Variants in DPP10 observed in about 807,000 individuals in gnomAD.
DPP10 encodes the protein inactive dipeptidyl peptidase 10.
In DPP10, 33 loss-of-function variants were observed where a neutral mutation model predicts 120.9. The observed-to-expected ratio is 0.27, with a 90% CI of 0.21 to 0.37. The LOEUF (loss-of-function observed/expected upper bound fraction) is 0.37. Ranked by LOEUF, DPP10 falls within the 10% of genes least tolerant of loss-of-function variation. The pLI, the probability that DPP10 is intolerant of heterozygous loss-of-function variation, is 1.00. For missense variants in DPP10, 816 were observed against 942.8 expected (o/e 0.87, Z 1.76); for synonymous variants, 337 against 326.1 (o/e 1.03, Z -0.36).
chr2:114,518,377 C>T (rs771141772), intron 1 of DPP10, among the ~76,000 whole-genome samples: 2 of 152,066 alleles, frequency 1.3e-5, no homozygotes, highest in Non-Finnish European at 2.9e-5. Flanking sequence ...CGTGCAGGGC[C>T]TATTCATTGT....
chr2:114,520,359 A>G (rs1400158429), intron 1 of DPP10, among the ~76,000 whole-genome samples: 3 of 152,226 alleles, frequency 2.0e-5, no homozygotes, highest in African/African-American at 4.8e-5. Flanking sequence ...ATGACCCTCA[A>G]TTTGGACATA....
At chr2:114,570,441 C>T (rs1358451679) in intron 1 of DPP10, among the ~76,000 whole-genome samples, 1 of 152,056 alleles carries the variant, frequency 6.6e-6, no homozygotes, top group Admixed American at 6.5e-5. Flanking sequence ...TAACTCAAAA[C>T]AATCCAACAT....
intron 1 of DPP10, among the ~76,000 whole-genome samples, chr2:115,231,223 T>G (rs1370806658): frequency 1.2e-4 from 19 of 152,058 alleles, no homozygotes. Context: ...ATTATTAATC[T>G]AAGTTATGAA....
At chr2:115,730,024 A>G (rs890714842) in intron 8 of DPP10, among the ~76,000 whole-genome samples, 4 of 152,202 alleles carry the variant, frequency 2.6e-5, no homozygotes, top group Admixed American at 6.5e-5. Context: ...ACCTCTATCA[A>G]TGATTTGGAA....
intron 1 of DPP10, among the ~76,000 whole-genome samples, chr2:114,914,848 G>A (rs183268206): frequency 1.3e-5 from 2 of 152,260 alleles, no homozygotes; most frequent in Admixed American, 1.3e-4. Flanking sequence ...ATAAAGAAAT[G>A]GGGCCGGGCG....
intron 1 of DPP10, among the ~76,000 whole-genome samples, chr2:115,004,564 A>G (rs1236205071): frequency 2.0e-5 from 3 of 152,222 alleles, no homozygotes; most frequent in Non-Finnish European, 4.4e-5. Context: ...GGGAAGCGCA[A>G]GGGGTCAGGG....
Position 115,815,733 on chromosome 2 carries a change from AAT to A in DPP10, c.1950+6_1950+7del. The A allele has an allele frequency of 6.3e-7, 1 of 1,595,440 alleles. No individual in the cohort carries two copies. The highest frequency in any genetic ancestry group is 8.6e-7 in the Non-Finnish European group (1 of 1,168,546). On this transcript the variant is annotated splice_donor_5th_base_variant and intron_variant, in intron 21 of 25. Transcript: ENST00000410059. The stretch of plus-strand genomic sequence containing the variant: ...AAGATTAAGCATTTTTGGAAAGGTA[AAT>A]AGTAGAAATGCTGAATCTATCTTTT...
At chr2:114,630,555 C>T (rs1036255001) in intron 1 of DPP10, among the ~76,000 whole-genome samples, 4 of 152,104 alleles carry the variant, frequency 2.6e-5, no homozygotes, top group African/African-American at 9.7e-5. Flanking sequence ...TATTAGGATT[C>T]TTCCCATCTC....
intron 1 of DPP10, among the ~76,000 whole-genome samples, chr2:114,862,306 C>G (rs943069832): frequency 6.6e-6 from 1 of 152,118 alleles, no homozygotes; most frequent in South Asian, 2.1e-4. Context: ...CTGAGCACTC[C>G]CTACTCATAT....
chr2:115,480,817 A>C (rs566638697), intron 3 of DPP10, among the ~76,000 whole-genome samples: 23 of 152,266 alleles, frequency 1.5e-4, no homozygotes, highest in South Asian at 2.1e-4. Flanking sequence ...AAAATGGTGA[A>C]ATAAAATGCT....
At chr2:115,383,961 A>G (rs2106493408) in intron 3 of DPP10, among the ~76,000 whole-genome samples, 1 of 152,338 alleles carries the variant, frequency 6.6e-6, no homozygotes, top group African/African-American at 2.4e-5. Context: ...AACCAAATAT[A>G]AAGTATCTGT....
At chr2:115,537,081 A>G (rs2078894899) in intron 5 of DPP10, among the ~76,000 whole-genome samples, 1 of 152,000 alleles carries the variant, frequency 6.6e-6, no homozygotes, top group African/African-American at 2.4e-5. Flanking sequence ...TTTCTATAGA[A>G]ATAATATCAT....
chr2:115,774,390 C>T (rs1681846566), intron 13 of DPP10, among the ~76,000 whole-genome samples: 1 of 151,958 alleles, frequency 6.6e-6, no homozygotes, highest in African/African-American at 2.4e-5. Context: ...CAAAGATGCA[C>T]TAAAACCTTG....
intron 1 of DPP10, among the ~76,000 whole-genome samples, chr2:114,935,093 C>T (rs1696356104): frequency 1.3e-5 from 2 of 152,166 alleles, no homozygotes; most frequent in South Asian, 4.1e-4. Context: ...TAAAACTATA[C>T]TCATGTAACC....
Position 115,209,191 on chromosome 2 carries a change from ACATTCT to A in DPP10, c.61-100045_61-100040del, listed in dbSNP as rs1445788546. Among the ~76,000 whole-genome samples, 3 of 152,146 alleles carry A rather than the reference ACATTCT, an allele frequency of 2.0e-5. No homozygotes were observed. The East Asian group carries it at 5.8e-4, about 29-fold the overall frequency. On this transcript the variant is annotated intron_variant, in intron 1 of 25. Coordinates refer to ENST00000410059, the MANE Select transcript of DPP10 (RefSeq NM_020868.6). ...TGTAATCAAGTTAAAAAAAAGTCAA[ACATTCT>A]CAGTTTCAGGAAGATATTACTGCTG... is the stretch of plus-strand genomic sequence containing the variant.
intron 9 of DPP10, among the ~76,000 whole-genome samples, chr2:115,745,297 G>A (rs1031855267): frequency 1.3e-5 from 2 of 150,626 alleles, no homozygotes; most frequent in African/African-American, 2.4e-5. Flanking sequence ...TACGACTGTA[G>A]TAGGGACATT....
chr2:115,109,451 G>T (rs1019853875), intron 1 of DPP10, among the ~76,000 whole-genome samples: 6 of 152,024 alleles, frequency 3.9e-5, no homozygotes, highest in African/African-American at 1.4e-4. Context: ...CAGGAGAATC[G>T]CTTGAAACAA....
chr2:115,301,031 C>G (rs773001696), intron 1 of DPP10, among the ~76,000 whole-genome samples: 35 of 152,020 alleles, frequency 2.3e-4, no homozygotes, highest in Non-Finnish European at 4.3e-4. Context: ...CAGGCATTTT[C>G]TAGGTCTGTG....
chr2:115,077,499 A>C (rs1292176308), intron 1 of DPP10, among the ~76,000 whole-genome samples: 2 of 152,320 alleles, frequency 1.3e-5, no homozygotes, highest in South Asian at 2.1e-4. Context: ...CCCCTCTTTG[A>C]CATTCCCTAA....
Sources: allele counts gnomAD v4.1 joint callset (sites outside exome capture counted in the v4.1 genomes callset), GRCh38; gene constraint gnomAD v4.1.1; transcripts MANE v1.5; gene names NCBI Gene and HGNC (gene_info 2026-07-23, HGNC 2026-07-21).